The following ZNF385B variants were observed in gnomAD, a reference collection of about 807,000 sequenced individuals.
ZNF385B encodes zinc finger protein 533.
ZNF385B carries 23 observed loss-of-function variants against 39.2 expected under a neutral mutation model. The observed-to-expected ratio is 0.59, with a 90% CI of 0.42 to 0.83. The LOEUF is 0.83. ZNF385B is among the 40% of genes least tolerant of loss of function. ZNF385B has a pLI of 0.00. For synonymous variants in ZNF385B, 205 were observed against 222.6 expected, an observed-to-expected ratio of 0.92 and a Z score of 0.70; for missense variants, 552 against 598.9, an observed-to-expected ratio of 0.92 and a Z score of 0.82.
chr2:179,711,679 C>G (rs1700005086), intron 3 of ZNF385B, among the ~76,000 whole-genome samples: 1 of 152,022 alleles, frequency 6.6e-6, no homozygotes, highest in African/African-American at 2.4e-5. Context: ...AATCAAGGCC[C>G]TTTGTTTTGG....
At chr2:179,789,894 C>T (rs1419180093) in intron 1 of ZNF385B, among the ~76,000 whole-genome samples, 2 of 152,140 alleles carry the variant, frequency 1.3e-5, no homozygotes, top group East Asian at 3.9e-4. Context: ...CTCTCATGAA[C>T]CAGTAATGAG....
chr2:179,689,620 T>C (rs1698187365), intron 3 of ZNF385B, among the ~76,000 whole-genome samples: 1 of 152,118 alleles, frequency 6.6e-6, no homozygotes, highest in Non-Finnish European at 1.5e-5. Flanking sequence ...TATTTTCCAT[T>C]TGCCCTTCTA....
At chr2:179,738,740 T>C (rs1277220103) in intron 3 of ZNF385B, among the ~76,000 whole-genome samples, 5 of 152,176 alleles carry the variant, frequency 3.3e-5, no homozygotes, top group Non-Finnish European at 5.9e-5. Context: ...GGCTCAGGAT[T>C]TACATCAATT....
chr2:179,504,452 A>G (rs2105744815), intron 5 of ZNF385B, among the ~76,000 whole-genome samples: 1 of 152,290 alleles, frequency 6.6e-6, no homozygotes, highest in African/African-American at 2.4e-5. Context: ...GAATCGCCAC[A>G]CTGACTTCCA....
intron 3 of ZNF385B, among the ~76,000 whole-genome samples, chr2:179,571,464 C>T (rs184071378): frequency 1.3e-5 from 2 of 152,252 alleles, no homozygotes; most frequent in East Asian, 3.9e-4. Context: ...AGGCACTCTG[C>T]CCAGGGCTCC....
chr2:179,557,517 TTA>T (rs925231723), intron 3 of ZNF385B, among the ~76,000 whole-genome samples: 7 of 147,542 alleles, frequency 4.7e-5, no homozygotes, highest in African/African-American at 1.8e-4. Flanking sequence ...TATATACATG[TTA>T]TATGTGTATG....
chr2:179,553,954 A>G lies in ZNF385B; in HGVS notation c.299-8985T>C, dbSNP rs1330752499. ...CAGCAGACAGATATGTTAGAAGCTG[A>G]AGACTCCTGGGAGCACTGCTTTCTT... On this transcript the variant is annotated intron_variant, in intron 3 of 9. Coordinates refer to ENST00000410066, the MANE Select transcript of ZNF385B (RefSeq NM_152520.6). Among the ~76,000 whole-genome samples, 3 of 149,060 alleles carry G rather than the reference A, an allele frequency of 2.0e-5. 1 individual carries two copies. Among genetic ancestry groups the G allele is most frequent in the African/African-American group, 7.6e-5 (3 of 39,488 alleles).
chr2:179,702,029 T>C (rs1699244855), intron 3 of ZNF385B, among the ~76,000 whole-genome samples: 1 of 152,184 alleles, frequency 6.6e-6, no homozygotes, highest in Non-Finnish European at 1.5e-5. Flanking sequence ...GAGACCAGAT[T>C]GCTGCTTCAA....
chr2:179,635,997 TA>T (rs1320180167), intron 3 of ZNF385B, among the ~76,000 whole-genome samples: 1 of 152,188 alleles, frequency 6.6e-6, no homozygotes, highest in Non-Finnish European at 1.5e-5. Flanking sequence ...AATTCTATTT[TA>T]AGCAATAACC....
chr2:179,600,677 A>G (rs558645429), intron 3 of ZNF385B, among the ~76,000 whole-genome samples: 6 of 152,224 alleles, frequency 3.9e-5, no homozygotes, highest in Non-Finnish European at 7.3e-5. Context: ...GGGCATTGCC[A>G]TTTAAGTTGC....
chr2:179,587,821 A>G (rs1265444492), intron 3 of ZNF385B, among the ~76,000 whole-genome samples: 1 of 152,218 alleles, frequency 6.6e-6, no homozygotes, highest in African/African-American at 2.4e-5. Flanking sequence ...TCTTCTGTTC[A>G]TAAGAAGATC....
chr2:179,591,990 T>G (rs1687605157), intron 3 of ZNF385B, among the ~76,000 whole-genome samples: 1 of 143,130 alleles, frequency 7.0e-6, no homozygotes, highest in Admixed American at 7.1e-5. Flanking sequence ...AAATGAGGTG[T>G]TGTTAACAGC....
chr2:179,573,876 G>A (rs1371861212), intron 3 of ZNF385B, among the ~76,000 whole-genome samples: 3 of 151,958 alleles, frequency 2.0e-5, no homozygotes, highest in South Asian at 2.1e-4. Flanking sequence ...CTGTGAATAC[G>A]AGAACTAGAA....
intron 3 of ZNF385B, among the ~76,000 whole-genome samples, chr2:179,752,832 A>G (rs974778345): frequency 6.6e-6 from 1 of 152,036 alleles, no homozygotes; most frequent in Admixed American, 6.5e-5. Flanking sequence ...TCTGGATATT[A>G]GCCCTTTGTC....
chr2:179,503,021 C>T (rs562138333), intron 5 of ZNF385B, among the ~76,000 whole-genome samples: 2 of 152,176 alleles, frequency 1.3e-5, no homozygotes, highest in African/African-American at 4.8e-5. Flanking sequence ...ACTACAGGTA[C>T]TTGTCGCCAG....
chr2:179,654,386 T>TA (rs1036136246), intron 3 of ZNF385B, among the ~76,000 whole-genome samples: 2 of 152,152 alleles, frequency 1.3e-5, no homozygotes, highest in African/African-American at 4.8e-5. Context: ...CCTATCCCCC[T>TA]ACCCCCTTCG....
intron 3 of ZNF385B, among the ~76,000 whole-genome samples, chr2:179,656,741 A>G (rs1436894841): frequency 6.6e-6 from 1 of 152,174 alleles, no homozygotes; most frequent in Non-Finnish European, 1.5e-5. Flanking sequence ...AAATTTTAAT[A>G]CTATAGATAT....
intron 3 of ZNF385B, among the ~76,000 whole-genome samples, chr2:179,610,220 T>C (rs1211737974): frequency 6.6e-6 from 1 of 152,160 alleles, no homozygotes; most frequent in Non-Finnish European, 1.5e-5. Flanking sequence ...TCATTTTGAT[T>C]TTATTTTTGT....
chr2:179,747,751 T>C (rs1312883308), intron 3 of ZNF385B, among the ~76,000 whole-genome samples: 1 of 152,142 alleles, frequency 6.6e-6, no homozygotes, highest in Non-Finnish European at 1.5e-5. Flanking sequence ...TTTCAGATTT[T>C]AGAAAGGTAA....
Sources: allele counts gnomAD v4.1 joint callset (sites outside exome capture counted in the v4.1 genomes callset), GRCh38; gene constraint gnomAD v4.1.1; transcripts MANE v1.5; gene names NCBI Gene and HGNC (gene_info 2026-07-23, HGNC 2026-07-21).